ZC2HC1B: variants seen among roughly 807,000 people sequenced by gnomAD.
ZC2HC1B encodes zinc finger C2HC domain-containing protein 1B.
ZC2HC1B carries 36 observed loss-of-function variants against 31.0 expected under a neutral mutation model. The ratio of observed to expected loss-of-function variants is 1.16; its 90% CI spans 0.89 to 1.54. The LOEUF is 1.54. Among genes scored for constraint, ZC2HC1B ranks in the 40% most tolerant of loss-of-function variants. The pLI is 0.00. For synonymous variants in ZC2HC1B, 73 were observed against 88.0 expected, an observed-to-expected ratio of 0.83 and a Z score of 0.95; for missense variants, 260 against 268.6, an observed-to-expected ratio of 0.97 and a Z score of 0.22.
At chr6:143,878,513 A>G (rs997111321) in intron 1 of ZC2HC1B, among the ~76,000 whole-genome samples, 8 of 150,474 alleles carry the variant, frequency 5.3e-5, no homozygotes, top group Admixed American at 3.9e-4. Flanking sequence ...TGCCTAGAAC[A>G]TTGCTGAAGT....
rs1438076581 is a variant in ZC2HC1B, at chr6:143,913,521, T to C, written c.598+10369T>C. 6.6e-6 allele frequency among the ~76,000 whole-genome samples: 1 copy of C among 152,220 alleles called. No individual in the cohort carries two copies. The highest frequency in any genetic ancestry group is 1.5e-5 in the Non-Finnish European group (1 of 68,030). Reference sequence around the variant, plus strand: ...TACAGAATGATGCTGCTTGGCTCCCTGGATTCTGCCCCTTCCTAGGGATAT... The same window carrying C: ...TACAGAATGATGCTGCTTGGCTCCCCGGATTCTGCCCCTTCCTAGGGATAT... On this transcript the variant is annotated intron_variant, in intron 6 of 7. Coordinates refer to ENST00000237275, the MANE Select transcript of ZC2HC1B (RefSeq NM_001013623.3). The surrounding 1 kb of genome is among the most constrained non-coding windows in gnomAD (Gnocchi z 5.7).
At position 143,908,735 on chromosome 6, in the gene ZC2HC1B, G is replaced by A. The variant is rs1427866906; in HGVS notation, c.598+5583G>A. On this transcript the variant is annotated intron_variant, in intron 6 of 7. Transcript: ENST00000237275. This position sits in a 1 kb window ranked among gnomAD's most constrained non-coding sequence, Gnocchi z 4.4. ...TGTCATCTGCAAACAAAGATAGTTT[G>A]ACTTCCTCTCTTCCTGTTGGAATCT... Among the ~76,000 whole-genome samples the A allele has an allele frequency of 6.6e-6, 1 of 152,162 alleles. No homozygotes were observed. Among genetic ancestry groups the A allele is most frequent in the East Asian group, 1.9e-4 (1 of 5,200 alleles).
intron 4 of ZC2HC1B, among the ~76,000 whole-genome samples, chr6:143,896,033 C>G (rs1287583169): frequency 2.0e-5 from 3 of 152,124 alleles, no homozygotes; most frequent in Non-Finnish European, 4.4e-5. Context: ...ATGTGAAGTT[C>G]AACATAAATA....
intron 6 of ZC2HC1B, among the ~76,000 whole-genome samples, chr6:143,927,093 C>T (rs1204596187): frequency 4.6e-5 from 7 of 151,966 alleles, no homozygotes; most frequent in East Asian, 1.9e-4. Flanking sequence ...CCACCGCGCC[C>T]GGCCCGAATT....
chr6:143,898,842 T>C (rs906479974), intron 5 of ZC2HC1B, among the ~76,000 whole-genome samples, 151 bp downstream of exon 5: 1 of 152,238 alleles, frequency 6.6e-6, no homozygotes, highest in African/African-American at 2.4e-5. Context: ...GGGAGCTGAC[T>C]TCTTTTGCAG....
rs1777503118 is a variant in ZC2HC1B, at chr6:143,884,053, C to A, written c.29-251C>A. The stretch of plus-strand genomic sequence containing the variant: ...TGTAAGAATATATTAAATATTAAAT[C>A]AAATAATTATACTCTGGTTGCCTGA... On this transcript the variant is annotated intron_variant, in intron 1 of 7. Transcript: ENST00000237275. The surrounding 1 kb of genome is among the most constrained non-coding windows in gnomAD (Gnocchi z 5.1). Among the ~76,000 whole-genome samples, 1 of 152,078 alleles carries A rather than the reference C, an allele frequency of 6.6e-6. No homozygotes were observed. Among genetic ancestry groups the A allele is most frequent in the East Asian group, 1.9e-4 (1 of 5,194 alleles).
rs1209882617 is a variant in ZC2HC1B at position 143,924,138 on chromosome 6, GT to G, written c.599-13507del. 6.6e-6 allele frequency among the ~76,000 whole-genome samples: 1 copy of G among 151,872 alleles called. No individual in the cohort carries two copies. The highest frequency in any genetic ancestry group is 2.4e-5 in the African/African-American group (1 of 41,372). ...AACATTCTTTCATCAGTGTTTTGAA[GT>G]TTTCCTCGTAAGCGTCTTTCACTTT... On this transcript the variant is annotated intron_variant, in intron 6 of 7. Coordinates refer to ENST00000237275, the MANE Select transcript of ZC2HC1B (RefSeq NM_001013623.3). This position sits in a 1 kb window ranked among gnomAD's most constrained non-coding sequence, Gnocchi z 5.2.
chr6:143,876,449 T>C (rs1777409482), intron 1 of ZC2HC1B, among the ~76,000 whole-genome samples: 1 of 150,422 alleles, frequency 6.6e-6, no homozygotes, highest in African/African-American at 2.5e-5. Flanking sequence ...CTGCATACTA[T>C]TAGAAGTAGA....
rs1340612361 is a variant in ZC2HC1B, at chr6:143,899,595, T to C, written c.489+904T>C. 6.6e-6 allele frequency among the ~76,000 whole-genome samples: 1 copy of C among 152,218 alleles called. No homozygotes were observed. Among genetic ancestry groups the C allele is most frequent in the Non-Finnish European group, 1.5e-5 (1 of 68,038 alleles). On this transcript the variant is annotated intron_variant, in intron 5 of 7. Transcript: ENST00000237275. This position sits in a 1 kb window ranked among gnomAD's most constrained non-coding sequence, Gnocchi z 5.0. ...TCTCACTGTGTTGCTCAGGCTGGTC[T>C]CAAACTCCTGGGCCCAAGCAATCTG...
intron 1 of ZC2HC1B, among the ~76,000 whole-genome samples, chr6:143,878,332 G>A (rs887850684): frequency 2.7e-5 from 4 of 150,606 alleles, no homozygotes; most frequent in Non-Finnish European, 4.4e-5. Flanking sequence ...GGCCATGTTA[G>A]CCAGGTGTGG....
intron 6 of ZC2HC1B, among the ~76,000 whole-genome samples, chr6:143,931,864 CTTTT>C (rs34072590): frequency 5.5e-5 from 2 of 36,476 alleles, no homozygotes; most frequent in Non-Finnish European, 1.3e-4. Flanking sequence ...TCTTCTTCTT[CTTTT>C]TTTTTTTTTT....
chr6:143,888,698 T>C (rs1018533675), intron 4 of ZC2HC1B, among the ~76,000 whole-genome samples: 7 of 152,058 alleles, frequency 4.6e-5, no homozygotes, highest in African/African-American at 1.7e-4. Flanking sequence ...TGTTCATTTT[T>C]AGTGTATAAA....
At chr6:143,912,205 A>G (rs1777868883) in intron 6 of ZC2HC1B, among the ~76,000 whole-genome samples, 1 of 152,080 alleles carries the variant, frequency 6.6e-6, no homozygotes, top group East Asian at 1.9e-4. Context: ...GCATTGGTTT[A>G]CAACATGCTC....
rs746842701 is a variant in ZC2HC1B at position 143,885,972 on chromosome 6, T to TA, written c.91-59dup. On this transcript the variant is annotated intron_variant, in intron 2 of 7. Coordinates refer to ENST00000237275, the MANE Select transcript of ZC2HC1B (RefSeq NM_001013623.3). The surrounding 1 kb of genome is among the most constrained non-coding windows in gnomAD (Gnocchi z 4.2). ...GGAGTGGGGGCTGTCTAGGTACACC[T>TA]AGGCATTAAAAACTGATTGTGCACT... is the stretch of plus-strand genomic sequence containing the variant. The TA allele has an allele frequency of 4.8e-5, 70 of 1,456,738 alleles. No individual in the cohort carries two copies. Among genetic ancestry groups the TA allele is most frequent in the Non-Finnish European group, 6.0e-5 (66 of 1,104,960 alleles). 90.2% of individuals were successfully genotyped at this position (1,456,738 alleles called of 1,614,324 possible).
At chr6:143,927,813 CT>C (rs1236467734) in intron 6 of ZC2HC1B, among the ~76,000 whole-genome samples, 1 of 152,114 alleles carries the variant, frequency 6.6e-6, no homozygotes, top group Non-Finnish European at 1.5e-5. Context: ...TATTTTTTGA[CT>C]TTTTAACAGT....
At chr6:143,875,832 TCTC>T (rs1203958756) in intron 1 of ZC2HC1B, among the ~76,000 whole-genome samples, 1 of 150,420 alleles carries the variant, frequency 6.6e-6, no homozygotes, top group Admixed American at 6.6e-5. Flanking sequence ...ACAGGGTTTA[TCTC>T]CTCAGACAAA....
At chr6:143,932,474 T>G (rs995584726) in intron 6 of ZC2HC1B, among the ~76,000 whole-genome samples, 2 of 152,230 alleles carry the variant, frequency 1.3e-5, no homozygotes, top group African/African-American at 4.8e-5. Context: ...CATTTTGTAT[T>G]TCTCTAAGTG....
chr6:143,880,788 T>C (rs1316733471), intron 1 of ZC2HC1B, among the ~76,000 whole-genome samples: 1 of 152,200 alleles, frequency 6.6e-6, no homozygotes, highest in Non-Finnish European at 1.5e-5. Flanking sequence ...GGCTACAGTT[T>C]GCTGACCCCT....
rs188902705 is a variant in ZC2HC1B, at chr6:143,918,333, A to G, written c.598+15181A>G. 1.0e-3 allele frequency among the ~76,000 whole-genome samples: 157 copies of G among 152,254 alleles called. No homozygotes were observed. Among genetic ancestry groups the G allele is most frequent in the African/African-American group, 3.6e-3 (150 of 41,554 alleles). ...ACTTTTTGAAGGACAGTTTTTCTGT[A>G]TATGAGATTTTTGGTTGACAGTTTT... On this transcript the variant is annotated intron_variant, in intron 6 of 7. Coordinates refer to ENST00000237275, the MANE Select transcript of ZC2HC1B (RefSeq NM_001013623.3). The surrounding 1 kb of genome is among the most constrained non-coding windows in gnomAD (Gnocchi z 4.1).
Sources: allele counts gnomAD v4.1 joint callset (sites outside exome capture counted in the v4.1 genomes callset), GRCh38; gene constraint gnomAD v4.1.1; non-coding constraint Gnocchi (gnomAD v3.1); transcripts MANE v1.5; gene names NCBI Gene and HGNC (gene_info 2026-07-23, HGNC 2026-07-21).